ATP8A1: variants seen among roughly 807,000 people sequenced by gnomAD.
The protein encoded by ATP8A1 is phospholipid-transporting ATPase IA.
A neutral mutation model predicts 177.7 loss-of-function variants in ATP8A1; 90 were observed. The ratio of observed to expected loss-of-function variants is 0.51; its 90% CI spans 0.43 to 0.60. The LOEUF is 0.60. Ranked by LOEUF, ATP8A1 falls within the 20% of genes least tolerant of loss-of-function variation. The pLI is 0.00. For missense variants in ATP8A1, 1,072 were observed against 1,392.8 expected, an observed-to-expected ratio of 0.77 and a Z score of 3.67; for synonymous variants, 493 against 485.9, an observed-to-expected ratio of 1.01 and a Z score of -0.19.
At chr4:42,413,821 A>G (rs777981966) in intron 36 of ATP8A1, among the ~76,000 whole-genome samples, 1 of 152,226 alleles carries the variant, frequency 6.6e-6, no homozygotes, top group Non-Finnish European at 1.5e-5. Context: ...CTTGTACTCC[A>G]TAAATATAGA....
At chr4:42,492,351 A>C (rs1053436265) in intron 24 of ATP8A1, among the ~76,000 whole-genome samples, 45 of 152,208 alleles carry the variant, frequency 3.0e-4, no homozygotes, top group African/African-American at 1.0e-3. Flanking sequence ...ATCATTTAAT[A>C]ATGTATTTCT....
intron 14 of ATP8A1, 56 bp from the exon 15 acceptor site, chr4:42,569,261 G>A (rs1255095349): frequency 2.8e-6 from 4 of 1,434,836 alleles, no homozygotes; most frequent in African/African-American, 1.4e-5. Flanking sequence ...CAGAAAGGCT[G>A]GAAACATAAA....
intron 36 of ATP8A1, among the ~76,000 whole-genome samples, chr4:42,413,460 C>A (rs984998457): frequency 6.6e-6 from 1 of 152,134 alleles, no homozygotes; most frequent in Admixed American, 6.5e-5. Flanking sequence ...CCACCATGTA[C>A]GGTCCCTTGG....
chr4:42,572,495 ACT>A (rs958771949), intron 14 of ATP8A1, among the ~76,000 whole-genome samples: 1 of 152,112 alleles, frequency 6.6e-6, no homozygotes, highest in African/African-American at 2.4e-5. Context: ...GACATCAACA[ACT>A]CTCTACGATG....
chr4:42,437,633 T>A (rs1361760038), intron 33 of ATP8A1, among the ~76,000 whole-genome samples: 1 of 152,216 alleles, frequency 6.6e-6, no homozygotes, highest in African/African-American at 2.4e-5. Flanking sequence ...TTTGAACAGT[T>A]AAATATTTCA....
chr4:42,467,896 A>T (rs977188165), intron 25 of ATP8A1, among the ~76,000 whole-genome samples: 1 of 151,940 alleles, frequency 6.6e-6, no homozygotes, highest in East Asian at 1.9e-4. Context: ...TAGACTCTGG[A>T]TATTTGTTCT....
chr4:42,652,955 G>T (rs138115195), intron 1 of ATP8A1, among the ~76,000 whole-genome samples: 2 of 127,870 alleles, frequency 1.6e-5, no homozygotes, highest in African/African-American at 2.6e-5. Flanking sequence ...TCCCCTCACC[G>T]TTCCTAATTC....
intron 25 of ATP8A1, among the ~76,000 whole-genome samples, chr4:42,478,487 G>A (rs12503995): frequency 0.17 from 25,668 of 152,006 alleles, 2,408 homozygotes; most frequent in South Asian, 0.24. Context: ...CAAATGGATG[G>A]GAACATATGA....
intron 20 of ATP8A1, among the ~76,000 whole-genome samples, chr4:42,542,183 C>T (rs1227598808): frequency 6.6e-6 from 1 of 151,942 alleles, no homozygotes; most frequent in Non-Finnish European, 1.5e-5. Context: ...CTTAAAATTG[C>T]TTTAAAAATA....
chr4:42,489,978 G>C (rs374619118), intron 24 of ATP8A1, among the ~76,000 whole-genome samples: 1 of 152,146 alleles, frequency 6.6e-6, no homozygotes, highest in Admixed American at 6.5e-5. Flanking sequence ...ATTTTCACTC[G>C]TGGGCTGAAA....
chr4:42,650,310 G>A (rs191797987), intron 1 of ATP8A1, among the ~76,000 whole-genome samples: 6 of 152,142 alleles, frequency 3.9e-5, no homozygotes, highest in Admixed American at 2.0e-4. Context: ...ATGCTGTATC[G>A]CTATACTCAT....
At chr4:42,639,599 TG>T (rs1177976888) in intron 1 of ATP8A1, among the ~76,000 whole-genome samples, 2 of 152,220 alleles carry the variant, frequency 1.3e-5, no homozygotes, top group Admixed American at 1.3e-4. Context: ...AGCACCTAAC[TG>T]CTCTAAATGA....
At chr4:42,488,519 C>T (rs1480638127) in intron 24 of ATP8A1, among the ~76,000 whole-genome samples, 1 of 152,174 alleles carries the variant, frequency 6.6e-6, no homozygotes, top group Non-Finnish European at 1.5e-5. Context: ...CTCATCTTGT[C>T]TTTACCACCA....
At chr4:42,477,710 G>A (rs750174717) in intron 25 of ATP8A1, among the ~76,000 whole-genome samples, 1 of 151,676 alleles carries the variant, frequency 6.6e-6, no homozygotes, top group African/African-American at 2.4e-5. Flanking sequence ...AGTGGCTCAC[G>A]CCTGTAATCA....
At chr4:42,635,600 T>C (rs1739186503) in intron 1 of ATP8A1, among the ~76,000 whole-genome samples, 1 of 151,610 alleles carries the variant, frequency 6.6e-6, no homozygotes, top group African/African-American at 2.4e-5. Context: ...AGTTAGGTAC[T>C]ACTAAGATGG....
At chr4:42,499,687 G>A (rs1723628175) in intron 24 of ATP8A1, among the ~76,000 whole-genome samples, 1 of 152,170 alleles carries the variant, frequency 6.6e-6, no homozygotes, top group African/African-American at 2.4e-5. Context: ...AATATGTTAG[G>A]TTGCCTGAAA....
At chr4:42,513,259 A>T (rs531230065) in intron 22 of ATP8A1, among the ~76,000 whole-genome samples, 12 of 152,270 alleles carry the variant, frequency 7.9e-5, no homozygotes, top group Admixed American at 6.5e-4. Context: ...AAAGCCTTTA[A>T]ACTGTAATAC....
chr4:42,485,518 A>G lies in ATP8A1; in HGVS notation c.2302T>C (p.Cys768Arg). Reference sequence around the variant, plus strand: ...TACCGACAGCAAATGACAGCTTTGCATGACAAAGCTAAGTCCAGGAAATAC... The same window carrying G: ...TACCGACAGCAAATGACAGCTTTGCGTGACAAAGCTAAGTCCAGGAAATAC... ...RQYFLDLALS[C>R]KAVICCRVSP... is the part of the protein sequence containing the mutation. Residue 768 changes from cysteine (C) to arginine (R), a missense_variant, in exon 25 of 37, where the codon TGC (cysteine) becomes CGC (arginine). Cys to Arg is a radical substitution (Grantham distance 180, BLOSUM62 -3). This residue lies in a region of ATP8A1 where 388 missense variants were observed against 471.7 expected (regional missense o/e 0.82). Transcript: ENST00000381668. 6.2e-7 allele frequency: 1 copy of G among 1,612,012 alleles called. No individual in the cohort carries two copies. Among genetic ancestry groups the G allele is most frequent in the Non-Finnish European group, 8.5e-7 (1 of 1,179,276 alleles).
chr4:42,520,391 C>G (rs987247433), intron 22 of ATP8A1, among the ~76,000 whole-genome samples: 2 of 151,258 alleles, frequency 1.3e-5, no homozygotes, highest in African/African-American at 4.9e-5. Flanking sequence ...GTAACAGAAG[C>G]AAAGATTAAA....
Sources: allele counts gnomAD v4.1 joint callset (sites outside exome capture counted in the v4.1 genomes callset), GRCh38; gene constraint gnomAD v4.1.1; regional missense constraint gnomAD v4.1.1; transcripts MANE v1.5; gene names NCBI Gene and HGNC (gene_info 2026-07-23, HGNC 2026-07-21).